The following RPS6KC1 variants were observed in gnomAD, a reference collection of about 807,000 sequenced individuals.
RPS6KC1 encodes ribosomal protein S6 kinase C1.
A neutral mutation model predicts 103.8 loss-of-function variants in RPS6KC1; 54 were observed. The ratio of observed to expected loss-of-function variants is 0.52; its 90% CI spans 0.42 to 0.65. The LOEUF (loss-of-function observed/expected upper bound fraction) is 0.65, where lower values mean the gene tolerates loss of function less well. RPS6KC1 is among the 30% of genes least tolerant of loss of function. RPS6KC1 has a pLI of 0.00. For missense variants in RPS6KC1, 1,151 were observed against 1,253.8 expected (o/e 0.92, Z 1.24); for synonymous variants, 439 against 438.7 (o/e 1.00, Z -0.01).
the RPS6KC1 span, among the ~76,000 whole-genome samples, chr1:213,838,081 G>C: frequency 6.6e-6 from 1 of 152,056 alleles, no homozygotes; most frequent in Non-Finnish European, 1.5e-5. Context: ...TAAAAGAGAA[G>C]TCACTAGTTT....
At chr1:213,509,736 A>G in the RPS6KC1 span, among the ~76,000 whole-genome samples, 6 of 152,332 alleles carry the variant, frequency 3.9e-5, no homozygotes, top group African/African-American at 1.2e-4. Context: ...TACATTTTAT[A>G]ATGTTCTCCC....
At chr1:213,469,750 C>T in the RPS6KC1 span, among the ~76,000 whole-genome samples, 1 of 152,218 alleles carries the variant, frequency 6.6e-6, no homozygotes, top group Admixed American at 6.5e-5. Flanking sequence ...ACCATTATCA[C>T]ACTTAAAAAT....
the RPS6KC1 span, among the ~76,000 whole-genome samples, chr1:213,837,862 T>A: frequency 6.6e-6 from 1 of 152,364 alleles, no homozygotes; most frequent in African/African-American, 2.4e-5. Flanking sequence ...CAAACCTTTT[T>A]TTTTAAACAA....
chr1:213,672,821 C>T, the RPS6KC1 span, among the ~76,000 whole-genome samples: 5 of 152,118 alleles, frequency 3.3e-5, no homozygotes, highest in African/African-American at 4.8e-5. Context: ...ATACTAAACT[C>T]GTCATCTCAT....
chr1:213,383,691 G>A, the RPS6KC1 span, among the ~76,000 whole-genome samples: 1 of 151,994 alleles, frequency 6.6e-6, no homozygotes, highest in East Asian at 1.9e-4. Flanking sequence ...TGATCTGATG[G>A]TATTAGTGTC....
At chr1:213,299,020 C>T in the RPS6KC1 span, among the ~76,000 whole-genome samples, 1 of 152,154 alleles carries the variant, frequency 6.6e-6, no homozygotes, top group Non-Finnish European at 1.5e-5. Context: ...TCACTCACGT[C>T]TGGTGTTTGG....
chr1:213,564,055 A>T, the RPS6KC1 span, among the ~76,000 whole-genome samples: 1 of 137,756 alleles, frequency 7.3e-6, no homozygotes, highest in African/African-American at 2.6e-5. Flanking sequence ...TCTTGCATTT[A>T]TTACTGTTAG....
At chr1:213,766,766 C>G in the RPS6KC1 span, among the ~76,000 whole-genome samples, 4 of 152,056 alleles carry the variant, frequency 2.6e-5, no homozygotes, top group Non-Finnish European at 4.4e-5. Context: ...ATTCCTCTCC[C>G]TTTTCTCACC....
chr1:213,779,607 A>G, the RPS6KC1 span, among the ~76,000 whole-genome samples: 1 of 152,232 alleles, frequency 6.6e-6, no homozygotes, highest in Non-Finnish European at 1.5e-5. Flanking sequence ...CATAAGATCC[A>G]AAGCTGAGTT....
the RPS6KC1 span, among the ~76,000 whole-genome samples, chr1:213,691,825 A>G: frequency 1.3e-5 from 2 of 152,276 alleles, no homozygotes; most frequent in African/African-American, 4.8e-5. Context: ...TCCAGTCTTA[A>G]TGGAAATGAA....
the RPS6KC1 span, among the ~76,000 whole-genome samples, chr1:213,367,035 T>C: frequency 6.6e-6 from 1 of 152,248 alleles, no homozygotes; most frequent in Non-Finnish European, 1.5e-5. Flanking sequence ...CCTTGAACTG[T>C]TTCTATATGA....
At chr1:213,699,552 C>T in the RPS6KC1 span, among the ~76,000 whole-genome samples, 13 of 152,270 alleles carry the variant, frequency 8.5e-5, no homozygotes, top group African/African-American at 2.9e-4. Context: ...ATACTGATTT[C>T]CTTCCTTTTG....
At chr1:213,753,345 G>T in the RPS6KC1 span, among the ~76,000 whole-genome samples, 1 of 152,192 alleles carries the variant, frequency 6.6e-6, no homozygotes, top group Non-Finnish European at 1.5e-5. Context: ...CAGTGGAGTT[G>T]ATCTCCCATT....
chr1:213,677,653 G>A, the RPS6KC1 span, among the ~76,000 whole-genome samples: 5 of 152,140 alleles, frequency 3.3e-5, no homozygotes, highest in Admixed American at 1.3e-4. Context: ...GGGGGGAGAT[G>A]TAATTAGGGA....
chr1:213,439,015 C>G, the RPS6KC1 span, among the ~76,000 whole-genome samples: 1 of 151,956 alleles, frequency 6.6e-6, no homozygotes, highest in African/African-American at 2.4e-5. Flanking sequence ...AGGATGGTCT[C>G]GATCTCCTGA....
the RPS6KC1 span, among the ~76,000 whole-genome samples, chr1:213,377,262 T>C: frequency 6.6e-6 from 1 of 152,226 alleles, no homozygotes; most frequent in East Asian, 1.9e-4. Flanking sequence ...TTTAGACTTT[T>C]TGAAGGAAGT....
the RPS6KC1 span, among the ~76,000 whole-genome samples, chr1:213,364,549 C>T: frequency 6.6e-6 from 1 of 152,142 alleles, no homozygotes. Flanking sequence ...GAGAGGACCT[C>T]TCTTCTGCAT....
At chr1:213,547,871 T>TG in the RPS6KC1 span, among the ~76,000 whole-genome samples, 1 of 152,168 alleles carries the variant, frequency 6.6e-6, no homozygotes, top group South Asian at 2.1e-4. Context: ...GCCAAACAAA[T>TG]CTCATTTCTT....
At chr1:213,288,365 T>C in the RPS6KC1 span, among the ~76,000 whole-genome samples, 2 of 152,332 alleles carry the variant, frequency 1.3e-5, no homozygotes, top group Middle Eastern at 3.4e-3. Flanking sequence ...TTCAGGTACA[T>C]AAATCTAACT....
Sources: allele counts gnomAD v4.1 joint callset (sites outside exome capture counted in the v4.1 genomes callset), GRCh38; gene constraint gnomAD v4.1.1; transcripts MANE v1.5; gene names NCBI Gene and HGNC (gene_info 2026-07-23, HGNC 2026-07-21).